ACCSL: variants seen among roughly 807,000 people sequenced by gnomAD.
ACCSL encodes the protein 1-aminocyclopropane-1-carboxylate synthase homolog (inactive) like, also known as probable inactive 1-aminocyclopropane-1-carboxylate synthase-like protein 2.
A neutral mutation model predicts 61.7 loss-of-function variants in ACCSL; 55 were observed. The observed-to-expected ratio is 0.89, with a 90% confidence interval of 0.72 to 1.12. The LOEUF (loss-of-function observed/expected upper bound fraction) is 1.12, where lower values mean the gene tolerates loss of function less well. ACCSL is among the 50% of genes most tolerant of loss of function. ACCSL has a pLI of 0.00. For synonymous variants in ACCSL, 258 were observed against 264.3 expected (o/e 0.98, Z 0.23); for missense variants, 632 against 698.0 (o/e 0.91, Z 1.07).
At chr11:43,970,908 T>G in the ACCSL span, among the ~76,000 whole-genome samples, 290 of 152,326 alleles carry the variant, frequency 1.9e-3, 2 homozygotes, top group African/African-American at 6.5e-3. Flanking sequence ...CCAATCCTAG[T>G]TGCTAGCACA....
chr11:44,047,018 C>T (rs994082736), upstream of ACCSL, among the ~76,000 whole-genome samples: 1 of 151,672 alleles, frequency 6.6e-6, no homozygotes, highest in Non-Finnish European at 1.5e-5. Flanking sequence ...CCCAGTCCCT[C>T]CAAAAAAAAA....
the ACCSL span, chr11:43,943,054 G>C: frequency 3.2e-5 from 48 of 1,500,056 alleles, no homozygotes; most frequent in Non-Finnish European, 3.9e-5. The surrounding 1 kb of genome is among the most constrained non-coding windows in gnomAD (Gnocchi z 4.8). Flanking sequence ...GGCCGCGCCA[G>C]TCTCGCTTCA....
At chr11:43,951,206 A>T in the ACCSL span, among the ~76,000 whole-genome samples, 1 of 152,216 alleles carries the variant, frequency 6.6e-6, no homozygotes, top group Admixed American at 6.5e-5. Context: ...AGAAAGTCAT[A>T]GAGAGAACCT....
At chr11:44,048,659 A>G in intron 1 of ACCSL, 119 bp downstream of exon 1, 1 of 1,030,372 alleles carries the variant, frequency 9.7e-7, no homozygotes, top group Non-Finnish European at 1.4e-6. Flanking sequence ...TGAAACGGGC[A>G]CTCTTGTCAT....
At chr11:44,002,381 T>C in the ACCSL span, among the ~76,000 whole-genome samples, 166 of 152,302 alleles carry the variant, frequency 1.1e-3, no homozygotes, top group African/African-American at 3.6e-3. Context: ...ACCCACTCTT[T>C]GGAAGAAGTT....
chr11:44,030,719 T>G, the ACCSL span, among the ~76,000 whole-genome samples: 1 of 152,164 alleles, frequency 6.6e-6, no homozygotes, highest in African/African-American at 2.4e-5. Flanking sequence ...TAATTTGTGA[T>G]CAGCCTGGAG....
At chr11:44,053,169 T>A in intron 7 of ACCSL, 101 bp downstream of exon 7, 1 of 1,082,792 alleles carries the variant, frequency 9.2e-7, no homozygotes, top group Non-Finnish European at 1.4e-6. Context: ...CCTGGTGGGC[T>A]GTCCTTAGTT....
intron 13 of ACCSL, 104 bp downstream of exon 13, chr11:44,058,803 T>G: frequency 3.0e-6 from 4 of 1,326,722 alleles, no homozygotes; most frequent in Admixed American, 2.6e-5. Flanking sequence ...TAGCCCTTTA[T>G]TCCCTGTTTC....
chr11:43,983,299 A>G, the ACCSL span, among the ~76,000 whole-genome samples: 6 of 152,236 alleles, frequency 3.9e-5, no homozygotes. Flanking sequence ...AGAAAACAGG[A>G]GACCAAGTTT....
At chr11:43,974,643 C>T in the ACCSL span, among the ~76,000 whole-genome samples, 68,836 of 151,986 alleles carry the variant, frequency 0.45, 17,164 homozygotes, top group Non-Finnish European at 0.57. Flanking sequence ...AAATTCAAAC[C>T]TTTATATAGT....
the ACCSL span, among the ~76,000 whole-genome samples, chr11:43,938,249 C>T: frequency 6.6e-6 from 1 of 152,160 alleles, no homozygotes; most frequent in Non-Finnish European, 1.5e-5. Flanking sequence ...CTTGGCTTTG[C>T]CCTTCAACAT....
the ACCSL span, among the ~76,000 whole-genome samples, chr11:44,009,700 A>G: frequency 3.0e-3 from 456 of 151,724 alleles, 1 homozygote; most frequent in Non-Finnish European, 5.6e-3. Flanking sequence ...AGGAGGTTGA[A>G]GCTGCAGTGA....
the ACCSL span, among the ~76,000 whole-genome samples, chr11:44,004,070 C>A: frequency 1.3e-5 from 2 of 152,160 alleles, no homozygotes; most frequent in Non-Finnish European, 2.9e-5. Context: ...TATCTGGGAC[C>A]CTGACTGCCT....
chr11:44,007,599 G>C, the ACCSL span, among the ~76,000 whole-genome samples: 1 of 152,104 alleles, frequency 6.6e-6, no homozygotes, highest in Non-Finnish European at 1.5e-5. Flanking sequence ...CCAAGCAAAG[G>C]CACCTAAGTA....
chr11:43,981,259 G>A, the ACCSL span, among the ~76,000 whole-genome samples: 1 of 152,174 alleles, frequency 6.6e-6, no homozygotes. Flanking sequence ...CATTCTTCCA[G>A]CAAGTCCTGG....
At chr11:43,937,192 G>A in the ACCSL span, among the ~76,000 whole-genome samples, 1 of 152,190 alleles carries the variant, frequency 6.6e-6, no homozygotes, top group Non-Finnish European at 1.5e-5. Flanking sequence ...CATGCCACAG[G>A]GACCTCTGCA....
chr11:43,926,246 C>A, the ACCSL span, among the ~76,000 whole-genome samples: 1 of 152,258 alleles, frequency 6.6e-6, no homozygotes, highest in Non-Finnish European at 1.5e-5. Context: ...GCTCTGCTCA[C>A]TCTCGGCGGC....
chr11:44,000,243 G>A, the ACCSL span, among the ~76,000 whole-genome samples: 2 of 151,992 alleles, frequency 1.3e-5, no homozygotes, highest in African/African-American at 4.8e-5. Flanking sequence ...TCCTGCCTCA[G>A]CCTCTCAAGT....
At chr11:43,968,519 C>G in the ACCSL span, among the ~76,000 whole-genome samples, 1 of 152,068 alleles carries the variant, frequency 6.6e-6, no homozygotes, top group Non-Finnish European at 1.5e-5. Context: ...TTTTGAACAT[C>G]CAGGAAAAGA....
Sources: allele counts gnomAD v4.1 joint callset (sites outside exome capture counted in the v4.1 genomes callset), GRCh38; gene constraint gnomAD v4.1.1; non-coding constraint Gnocchi (gnomAD v3.1); transcripts MANE v1.5; gene names NCBI Gene and HGNC (gene_info 2026-07-23, HGNC 2026-07-21).